The following STX8 variants were observed in gnomAD, a reference collection of about 807,000 sequenced individuals.
The protein encoded by STX8 is syntaxin 8, also known as syntaxin-8.
In STX8, 23 loss-of-function variants were observed where a neutral mutation model predicts 37.5. The ratio of observed to expected loss-of-function variants is 0.61; its 90% CI spans 0.44 to 0.87. The LOEUF (loss-of-function observed/expected upper bound fraction) is 0.87, where lower values mean the gene tolerates loss of function less well. STX8 is among the 40% of genes least tolerant of loss of function. STX8 has a pLI of 0.00. For synonymous variants in STX8, 115 were observed against 99.1 expected, an observed-to-expected ratio of 1.16 and a Z score of -0.95; for missense variants, 313 against 284.7, an observed-to-expected ratio of 1.10 and a Z score of -0.71.
chr17:9,512,518 A>C (rs919693982), intron 4 of STX8, among the ~76,000 whole-genome samples: 1 of 151,652 alleles, frequency 6.6e-6, no homozygotes, highest in African/African-American at 2.4e-5. Context: ...GCTGGAGTGC[A>C]GTGATGCAAT....
chr17:9,366,296 A>G (rs1481505879), intron 7 of STX8, among the ~76,000 whole-genome samples: 1 of 152,082 alleles, frequency 6.6e-6, no homozygotes, highest in Non-Finnish European at 1.5e-5. Flanking sequence ...CAGTGGCATG[A>G]TCTAGGCTCA....
At chr17:9,334,971 T>C (rs2142222590) in intron 7 of STX8, among the ~76,000 whole-genome samples, 1 of 152,312 alleles carries the variant, frequency 6.6e-6, no homozygotes, top group Non-Finnish European at 1.5e-5. Flanking sequence ...GTAAACAACC[T>C]TTTCCACCAT....
intron 7 of STX8, among the ~76,000 whole-genome samples, chr17:9,301,724 C>G (rs954971977): frequency 6.6e-6 from 1 of 151,764 alleles, no homozygotes; most frequent in Non-Finnish European, 1.5e-5. Context: ...GATCTGACCT[C>G]GTGATCCGTC....
intron 6 of STX8, among the ~76,000 whole-genome samples, chr17:9,487,879 C>A (rs6503210): frequency 0.32 from 48,549 of 152,106 alleles, 8,046 homozygotes; most frequent in Non-Finnish European, 0.34. Flanking sequence ...CATATAAGAA[C>A]CAATACAAAG....
At chr17:9,297,954 T>C (rs1314319682) in intron 7 of STX8, among the ~76,000 whole-genome samples, 1 of 152,154 alleles carries the variant, frequency 6.6e-6, no homozygotes, top group Non-Finnish European at 1.5e-5. Flanking sequence ...ACAAAGTTAT[T>C]CCATGTACCT....
intron 6 of STX8, among the ~76,000 whole-genome samples, chr17:9,390,048 C>T (rs996661452): frequency 6.6e-6 from 1 of 152,222 alleles, no homozygotes; most frequent in African/African-American, 2.4e-5. Context: ...AGTGGAGCCT[C>T]TGGGAACCAC....
rs1382933105 is a variant in STX8, at chr17:9,470,964, A to ACC, written c.541+20863_541+20864dup. ...TAGCCAGGATGGTCTCAATCTCCTG[A>ACC]CCTCGTGATCCACCTGCCTCGGCCT... On this transcript the variant is annotated intron_variant, in intron 6 of 7. Coordinates refer to ENST00000306357, the MANE Select transcript of STX8 (RefSeq NM_004853.3). 2.1e-5 allele frequency among the ~76,000 whole-genome samples: 3 copies of ACC among 143,406 alleles called. No homozygotes were observed. The East Asian group carries it at 6.2e-4, about 30-fold the overall frequency. 94.1% of individuals were successfully genotyped at this position (143,406 alleles called of 152,430 possible).
chr17:9,490,587 G>A (rs1249000836), intron 6 of STX8, among the ~76,000 whole-genome samples: 1 of 151,912 alleles, frequency 6.6e-6, no homozygotes, highest in Admixed American at 6.6e-5. Flanking sequence ...TGGCCAGGCT[G>A]GTCTCCTGAC....
At chr17:9,317,702 C>T (rs1334044541) in intron 7 of STX8, among the ~76,000 whole-genome samples, 1 of 150,880 alleles carries the variant, frequency 6.6e-6, no homozygotes, top group Non-Finnish European at 1.5e-5. Flanking sequence ...GGAGGTGGAG[C>T]TTGCAGTGAG....
chr17:9,392,669 A>G (rs1283577593), intron 6 of STX8, among the ~76,000 whole-genome samples: 2 of 152,206 alleles, frequency 1.3e-5, no homozygotes, highest in Admixed American at 6.5e-5. Flanking sequence ...CTCTTGAAAT[A>G]TAGTCTCAGC....
At chr17:9,341,107 T>C (rs11654567) in intron 7 of STX8, among the ~76,000 whole-genome samples, 86,113 of 151,208 alleles carry the variant, frequency 0.57, 25,006 homozygotes, top group Non-Finnish European at 0.61. Context: ...TAAAGTATCA[T>C]GTGGAAAGTC....
chr17:9,548,375 GA>G (rs1323163831), intron 3 of STX8: 1 of 152,288 alleles, frequency 6.6e-6, no homozygotes. Flanking sequence ...AAAGTGCTGG[GA>G]TTACAGGCAT....
intron 6 of STX8, among the ~76,000 whole-genome samples, chr17:9,427,519 G>A (rs996418075): frequency 6.6e-6 from 1 of 152,130 alleles, no homozygotes; most frequent in African/African-American, 2.4e-5. Flanking sequence ...GGCTGTTGGG[G>A]TAGACCACTA....
At chr17:9,256,210 T>C (rs905012448) in intron 7 of STX8, among the ~76,000 whole-genome samples, 2 of 152,160 alleles carry the variant, frequency 1.3e-5, no homozygotes, top group Non-Finnish European at 2.9e-5. Context: ...AGAACTAGAA[T>C]TGGAATCCAG....
At chr17:9,432,988 C>G (rs1351242152) in intron 6 of STX8, among the ~76,000 whole-genome samples, 1 of 152,230 alleles carries the variant, frequency 6.6e-6, no homozygotes, top group Non-Finnish European at 1.5e-5. Flanking sequence ...CTGGTTCACT[C>G]TGGATCAACA....
At position 9,254,775 on chromosome 17, in the gene STX8, C is replaced by T. The variant is rs999943561; in HGVS notation, c.644-4130G>A. On this transcript the variant is annotated intron_variant, in intron 7 of 7. Transcript: ENST00000306357. The stretch of plus-strand genomic sequence containing the variant: ...ATCTACACCAGGGACTGTGGGTTCT[C>T]GTTCACCGCCATATCCCCCGTACCT... 2.0e-5 allele frequency among the ~76,000 whole-genome samples: 3 copies of T among 152,148 alleles called. No homozygotes were observed. In the South Asian group the frequency reaches 6.2e-4, roughly 32 times the overall value.
intron 4 of STX8, among the ~76,000 whole-genome samples, chr17:9,536,355 C>T (rs1405480939): frequency 6.6e-6 from 1 of 152,110 alleles, no homozygotes; most frequent in African/African-American, 2.4e-5. Flanking sequence ...TACCCGAAGC[C>T]CTGACGGCAT....
intron 7 of STX8, among the ~76,000 whole-genome samples, chr17:9,314,422 G>C (rs571485940): frequency 6.6e-6 from 1 of 151,984 alleles, no homozygotes; most frequent in Non-Finnish European, 1.5e-5. Flanking sequence ...TTTTGAGACG[G>C]AGTCTCACTC....
intron 6 of STX8, among the ~76,000 whole-genome samples, chr17:9,397,240 A>T (rs1912436211): frequency 6.6e-6 from 1 of 152,178 alleles, no homozygotes; most frequent in Non-Finnish European, 1.5e-5. Flanking sequence ...TACTAAAAAT[A>T]CAAAAATTAG....
Sources: gnomAD v4.1 joint callset for allele counts (sites outside exome capture counted in the v4.1 genomes callset) on GRCh38, gnomAD v4.1.1 for gene constraint, MANE v1.5 for transcripts, NCBI Gene and HGNC (gene_info 2026-07-23, HGNC 2026-07-21) for gene names.